MAST2: variants seen among roughly 807,000 people sequenced by gnomAD.
MAST2 encodes microtubule-associated serine/threonine-protein kinase 2.
In MAST2, 70 loss-of-function variants were observed where a neutral mutation model predicts 147.4. The observed-to-expected ratio is 0.47, with a 90% CI of 0.39 to 0.58. The LOEUF is 0.58. Among genes scored for constraint, MAST2 ranks in the 20% least tolerant of loss-of-function variants. The pLI is 0.00. For synonymous variants in MAST2, 869 were observed against 896.8 expected (o/e 0.97, Z 0.55); for missense variants, 2,080 against 2,302.3 (o/e 0.90, Z 1.98).
At chr1:46,007,802 C>A (rs1255919179) in intron 8 of MAST2, among the ~76,000 whole-genome samples, 1 of 152,202 alleles carries the variant, frequency 6.6e-6, no homozygotes, top group African/African-American at 2.4e-5. Context: ...GTATAACTCA[C>A]AACAGTCTGG....
At chr1:46,011,631 A>G (rs986380597) in intron 10 of MAST2, among the ~76,000 whole-genome samples, 2 of 152,116 alleles carry the variant, frequency 1.3e-5, no homozygotes, top group Admixed American at 6.6e-5. Flanking sequence ...ACAGTTTGGG[A>G]GAGAGAGGAT....
chr1:45,930,729 C>T (rs529727351), intron 4 of MAST2, among the ~76,000 whole-genome samples: 1 of 152,214 alleles, frequency 6.6e-6, no homozygotes, highest in South Asian at 2.1e-4. Context: ...AAGAGCTTTT[C>T]ACCCCCCAAA....
chr1:45,960,959 A>G (rs904134700), intron 5 of MAST2, among the ~76,000 whole-genome samples: 7 of 152,164 alleles, frequency 4.6e-5, no homozygotes, highest in Non-Finnish European at 8.8e-5. Context: ...GGAGGGAGAA[A>G]GTGAGGGTAC....
chr1:45,910,549 C>A (rs984947161), intron 4 of MAST2, among the ~76,000 whole-genome samples: 12 of 152,098 alleles, frequency 7.9e-5, no homozygotes, highest in African/African-American at 2.9e-4. Context: ...AATGTGAATT[C>A]CTTAATTCTG....
At chr1:45,814,273 G>T (rs1410316161) in intron 1 of MAST2, among the ~76,000 whole-genome samples, 1 of 151,980 alleles carries the variant, frequency 6.6e-6, no homozygotes, top group Non-Finnish European at 1.5e-5. Flanking sequence ...GTAATTCCAG[G>T]GAAGGCATTG....
intron 3 of MAST2, among the ~76,000 whole-genome samples, chr1:45,877,669 CT>C (rs1011380425): frequency 3.9e-5 from 6 of 152,150 alleles, no homozygotes; most frequent in African/African-American, 1.2e-4. Context: ...GGCCTAGATA[CT>C]TTTATTAGTG....
intron 4 of MAST2, among the ~76,000 whole-genome samples, chr1:45,929,485 T>C (rs185960158): frequency 1.2e-4 from 19 of 152,300 alleles, no homozygotes; most frequent in African/African-American, 4.6e-4. Flanking sequence ...CTGGCCCACG[T>C]AGAAAGAGGA....
intron 4 of MAST2, among the ~76,000 whole-genome samples, chr1:45,938,834 T>C (rs1251804303): frequency 3.9e-5 from 6 of 152,242 alleles, no homozygotes; most frequent in Non-Finnish European, 8.8e-5. Flanking sequence ...ATCTCATTGT[T>C]AGCCATTTGT....
At chr1:45,889,270 C>T (rs1009278269) in intron 4 of MAST2, among the ~76,000 whole-genome samples, 1 of 152,092 alleles carries the variant, frequency 6.6e-6, no homozygotes, top group Non-Finnish European at 1.5e-5. Flanking sequence ...AGTGCAGCCC[C>T]AGCCTTCCTG....
chr1:46,030,170 G>A lies in MAST2; in HGVS notation c.2485G>A (p.Glu829Lys). 2 of 1,614,250 alleles carry A rather than the reference G, an allele frequency of 1.2e-6. No individual in the cohort carries two copies. The highest frequency in any genetic ancestry group is 1.7e-6 in the Non-Finnish European group (2 of 1,180,040). The change falls in exon 21 of 29, where the codon GAA (glutamate) becomes AAA (lysine). Residue 829 changes from glutamate to lysine, a missense_variant. By Grantham distance (56) the Glu-to-Lys change is moderately conservative. This residue lies in a region of MAST2 where 1,278 missense variants were observed against 1,304.2 expected (regional missense o/e 0.98). Coordinates refer to ENST00000361297, the MANE Select transcript of MAST2 (RefSeq NM_015112.3). ...CCACCACATGGACTCGGAGGATGAG[G>A]AAGAAGTGAGTGAGGATGGCTGCCT... ...RYHHMDSEDE[E>K]EVSEDGCLEI...
intron 4 of MAST2, among the ~76,000 whole-genome samples, chr1:45,920,149 G>A (rs1366691366): frequency 2.0e-5 from 3 of 152,158 alleles, no homozygotes; most frequent in Admixed American, 6.5e-5. Flanking sequence ...GAGCATGAAC[G>A]ATTCTGGGTC....
chr1:45,997,817 CT>C lies in MAST2; in HGVS notation c.668+19del. 6.2e-7 allele frequency: 1 copy of C among 1,608,520 alleles called. No individual in the cohort carries two copies. The highest frequency in any genetic ancestry group is 8.5e-7 in the Non-Finnish European group (1 of 1,174,894). On this transcript the variant is annotated intron_variant, in intron 6 of 28. Coordinates refer to ENST00000361297, the MANE Select transcript of MAST2 (RefSeq NM_015112.3). ...GCCCGTAGGTAAGTTGATAGGAAAC[CT>C]CCTCTGGGACCAGCACATGTGGCAC...
chr1:45,882,512 A>C, intron 4 of MAST2, 117 bp downstream of exon 4: 1 of 760,576 alleles, frequency 1.3e-6, no homozygotes, highest in South Asian at 1.8e-5. Context: ...CTTTCTGTGT[A>C]CTCCTATCTG....
Position 46,030,415 on chromosome 1 carries a change from G to C in MAST2, c.2553+177G>C, listed in dbSNP as rs915030735. ...ATATATAGGTGCTTCTAGAACCACTGCTGTCCCTGACATGAGATGCCAGGT... is the reference window on the plus strand; with the variant it reads ...ATATATAGGTGCTTCTAGAACCACTCCTGTCCCTGACATGAGATGCCAGGT... On this transcript the variant is annotated intron_variant, in intron 21 of 28. Transcript: ENST00000361297. The C allele has an allele frequency of 1.1e-4, 88 of 823,904 alleles. 1 individual carries two copies. Among genetic ancestry groups the C allele is most frequent in the Admixed American group, 4.8e-4 (17 of 35,678 alleles). 51.0% of individuals were successfully genotyped at this position (823,904 alleles called of 1,614,324 possible).
intron 3 of MAST2, among the ~76,000 whole-genome samples, chr1:45,859,866 C>T (rs1645917914): frequency 1.3e-5 from 2 of 152,070 alleles, no homozygotes; most frequent in South Asian, 4.1e-4. Context: ...ATGTTTTATT[C>T]ATCTGTTCTT....
chr1:46,027,380 A>G (rs1445827076), intron 16 of MAST2, among the ~76,000 whole-genome samples: 2 of 152,178 alleles, frequency 1.3e-5, no homozygotes, highest in Non-Finnish European at 2.9e-5. Context: ...GGGACTAGGA[A>G]TGGCTCCAGC....
chr1:45,903,730 G>C (rs1486361088), intron 4 of MAST2, among the ~76,000 whole-genome samples: 2 of 152,144 alleles, frequency 1.3e-5, no homozygotes, highest in Admixed American at 1.3e-4. Context: ...GTCAATTTTA[G>C]AGAATGTTCT....
intron 6 of MAST2, chr1:46,000,859 C>T: frequency 1.3e-6 from 1 of 792,652 alleles, no homozygotes; most frequent in South Asian, 1.4e-5. Context: ...CATTCCTAAA[C>T]AGAAGGAATG....
At chr1:45,970,030 C>G (rs931412109) in intron 5 of MAST2, among the ~76,000 whole-genome samples, 3 of 152,116 alleles carry the variant, frequency 2.0e-5, no homozygotes, top group African/African-American at 7.2e-5. Flanking sequence ...TTTCTTCCCC[C>G]AAGTAGAGCT....
Sources: allele counts gnomAD v4.1 joint callset (sites outside exome capture counted in the v4.1 genomes callset), GRCh38; gene constraint gnomAD v4.1.1; regional missense constraint gnomAD v4.1.1; transcripts MANE v1.5; gene names NCBI Gene and HGNC (gene_info 2026-07-23, HGNC 2026-07-21).